NKAIN3: variants seen among roughly 807,000 people sequenced by gnomAD.
NKAIN3 encodes sodium/potassium-transporting ATPase subunit beta-1-interacting protein 3.
In NKAIN3, 25 loss-of-function variants were observed where a neutral mutation model predicts 30.2. The observed-to-expected ratio is 0.83, with a 90% CI of 0.60 to 1.16. NKAIN3 has a LOEUF of 1.16. Ranked by LOEUF, NKAIN3 falls within the 50% of genes most tolerant of loss-of-function variation. NKAIN3 has a pLI of 0.00. For synonymous variants in NKAIN3, 91 were observed against 89.6 expected, an observed-to-expected ratio of 1.02 and a Z score of -0.09; for missense variants, 225 against 254.1, an observed-to-expected ratio of 0.89 and a Z score of 0.78.
At chr8:62,862,215 T>C (rs1820268342) in intron 4 of NKAIN3, among the ~76,000 whole-genome samples, 1 of 152,140 alleles carries the variant, frequency 6.6e-6, no homozygotes, top group African/African-American at 2.4e-5. Context: ...ATTCATCATG[T>C]TGACATAGTT....
downstream of NKAIN3, among the ~76,000 whole-genome samples, chr8:62,986,065 C>T (rs1824193088): frequency 6.6e-6 from 1 of 152,158 alleles, no homozygotes; most frequent in East Asian, 1.9e-4. Flanking sequence ...ATTTGAATTC[C>T]TATGCCTCGT....
At chr8:62,376,552 C>T (rs1466189196) in intron 1 of NKAIN3, among the ~76,000 whole-genome samples, 3 of 152,286 alleles carry the variant, frequency 2.0e-5, no homozygotes, top group Middle Eastern at 6.8e-3. Context: ...GGTGCTTGCA[C>T]CTGTCTGGGA....
intron 3 of NKAIN3, among the ~76,000 whole-genome samples, chr8:62,607,998 G>A (rs1479624002): frequency 6.6e-6 from 1 of 152,050 alleles, no homozygotes; most frequent in Non-Finnish European, 1.5e-5. Flanking sequence ...AATCACATAT[G>A]CCAATGTAAC....
chr8:62,356,505 T>C (rs1816362485), intron 1 of NKAIN3, among the ~76,000 whole-genome samples: 2 of 152,164 alleles, frequency 1.3e-5, no homozygotes, highest in South Asian at 4.1e-4. Context: ...ATTTCAAACC[T>C]GGAAAGAGTC....
chr8:62,433,218 C>G (rs558132700), intron 1 of NKAIN3, among the ~76,000 whole-genome samples: 70 of 152,178 alleles, frequency 4.6e-4, no homozygotes, highest in Admixed American at 1.5e-3. Flanking sequence ...TTCCAAATCT[C>G]AGGTTTGCGA....
At chr8:62,471,628 C>T (rs990382505) in intron 1 of NKAIN3, among the ~76,000 whole-genome samples, 3 of 152,138 alleles carry the variant, frequency 2.0e-5, no homozygotes, top group South Asian at 2.1e-4. Flanking sequence ...ATAGGGTTCA[C>T]ATAACTATGA....
chr8:62,583,501 T>A (rs943430605), intron 2 of NKAIN3, among the ~76,000 whole-genome samples: 4 of 152,184 alleles, frequency 2.6e-5, no homozygotes, highest in Non-Finnish European at 4.4e-5. Flanking sequence ...TGTCCATGCA[T>A]GTCATTAGGT....
intron 1 of NKAIN3, among the ~76,000 whole-genome samples, chr8:62,510,233 C>A (rs1339049734): frequency 6.6e-6 from 1 of 152,034 alleles, no homozygotes; most frequent in Non-Finnish European, 1.5e-5. Context: ...GAAATGCTTG[C>A]AGGTGAAAGG....
At position 62,729,086 on chromosome 8, in the gene NKAIN3, T is replaced by TAAG. The variant is rs930107770; in HGVS notation, c.274-17844_274-17842dup. Among the ~76,000 whole-genome samples, 15 of 106,852 alleles carry TAAG rather than the reference T, an allele frequency of 1.4e-4. No homozygotes were observed. The South Asian group carries it at 1.9e-3, about 13-fold the overall frequency. 70.1% of individuals were successfully genotyped at this position (106,852 alleles called of 152,430 possible). On this transcript the variant is annotated intron_variant, in intron 3 of 6. Coordinates refer to ENST00000623646, the MANE Select transcript of NKAIN3 (RefSeq NM_001304533.3). ...TCTGCAAAAGACATTGGCAAGAGAA[T>TAAG]AAGACAGGCCACAGACTGGGAGAAA...
At chr8:62,538,974 T>C (rs1808754732) in intron 1 of NKAIN3, among the ~76,000 whole-genome samples, 1 of 152,198 alleles carries the variant, frequency 6.6e-6, no homozygotes, top group African/African-American at 2.4e-5. Flanking sequence ...GTTTATCTGC[T>C]CCCACTATCC....
chr8:62,847,999 C>T (rs1819743745), intron 4 of NKAIN3, among the ~76,000 whole-genome samples: 1 of 151,910 alleles, frequency 6.6e-6, no homozygotes, highest in Admixed American at 6.6e-5. Flanking sequence ...AGGTGTGTGG[C>T]CTTATTTCTG....
chr8:62,660,534 TAAG>T (rs1812913625), intron 3 of NKAIN3, among the ~76,000 whole-genome samples: 2 of 152,100 alleles, frequency 1.3e-5, no homozygotes, highest in Admixed American at 6.6e-5. Context: ...CTTCATTGTA[TAAG>T]AAGTTCTTAA....
At chr8:62,404,428 G>A (rs1803993785) in intron 1 of NKAIN3, among the ~76,000 whole-genome samples, 1 of 152,154 alleles carries the variant, frequency 6.6e-6, no homozygotes, top group African/African-American at 2.4e-5. Flanking sequence ...CATGTCCTTG[G>A]ATGGAGCCGG....
At chr8:62,565,365 C>CGTGTGTGTGTGTGT (rs3059061) in intron 1 of NKAIN3, among the ~76,000 whole-genome samples, 1 of 149,746 alleles carries the variant, frequency 6.7e-6, no homozygotes, top group Non-Finnish European at 1.5e-5. Flanking sequence ...TACGTGTGTG[C>CGTGTGTGTGTGTGT]GTGTGTGTGT....
At chr8:62,285,138 C>T (rs1198979746) in intron 1 of NKAIN3, among the ~76,000 whole-genome samples, 4 of 152,104 alleles carry the variant, frequency 2.6e-5, no homozygotes, top group Non-Finnish European at 4.4e-5. Flanking sequence ...GTGTATCCCA[C>T]GCTTCGCAGA....
At chr8:62,945,606 T>C (rs1216875982) in intron 5 of NKAIN3, among the ~76,000 whole-genome samples, 1 of 152,162 alleles carries the variant, frequency 6.6e-6, no homozygotes, top group Non-Finnish European at 1.5e-5. Context: ...CCATACTTTT[T>C]CAAAGGCACA....
intron 4 of NKAIN3, among the ~76,000 whole-genome samples, chr8:62,760,621 T>A (rs1311876442): frequency 1.8e-5 from 2 of 109,938 alleles, no homozygotes; most frequent in African/African-American, 7.0e-5. Flanking sequence ...CACTGGGGCC[T>A]GTTGTGGTGT....
chr8:62,313,999 T>G (rs924259259), intron 1 of NKAIN3, among the ~76,000 whole-genome samples: 1 of 152,142 alleles, frequency 6.6e-6, no homozygotes, highest in Admixed American at 6.6e-5. Context: ...AAATGTATAA[T>G]GCATTTTTAT....
Position 62,249,031 on chromosome 8 carries a change from G to A in NKAIN3, c.-43G>A, listed in dbSNP as rs535311931. Reference sequence around the variant, plus strand: ...TCAGGAGGCAGCAGCGGCGGAGGACGAGGATCTCTGGCAGTCAGCGCCGCT... The same window carrying A: ...TCAGGAGGCAGCAGCGGCGGAGGACAAGGATCTCTGGCAGTCAGCGCCGCT... On this transcript the variant is annotated 5_prime_UTR_variant, in exon 1 of 7. Transcript: ENST00000623646. The A allele has an allele frequency of 2.6e-6, 4 of 1,516,954 alleles. No homozygotes were observed. Among genetic ancestry groups the A allele is most frequent in the East Asian group, 2.6e-5 (1 of 38,740 alleles). The allele number at this position is 1,516,954 out of a possible 1,614,324, so 94.0% of individuals were successfully genotyped here.
Sources: gnomAD v4.1 joint callset for allele counts (sites outside exome capture counted in the v4.1 genomes callset) on GRCh38, gnomAD v4.1.1 for gene constraint, MANE v1.5 for transcripts, NCBI Gene and HGNC (gene_info 2026-07-23, HGNC 2026-07-21) for gene names.